ANO2: variants seen among roughly 807,000 people sequenced by gnomAD.
ANO2 encodes anoctamin-2.
A neutral mutation model predicts 124.2 loss-of-function variants in ANO2; 101 were observed. The ratio of observed to expected loss-of-function variants is 0.81; its 90% CI spans 0.69 to 0.96. The LOEUF is 0.96. ANO2 is among the 40% of genes least tolerant of loss of function. The probability of loss-of-function intolerance (pLI) is 0.00; values close to 1 mark genes in which losing one functional copy is unlikely to be tolerated. For missense variants in ANO2, 1,293 were observed against 1,274.5 expected (o/e 1.01, Z -0.22); for synonymous variants, 486 against 482.5 (o/e 1.01, Z -0.09).
chr12:5,739,439 T>C (rs1565628864), intron 12 of ANO2, 40 bp from the exon 13 acceptor site: 1 of 1,527,764 alleles, frequency 6.5e-7, no homozygotes, highest in Non-Finnish European at 8.9e-7. Flanking sequence ...TGATTATTTT[T>C]GAAGAGTGGA....
intron 11 of ANO2, among the ~76,000 whole-genome samples, chr12:5,744,676 T>A (rs2137083453): frequency 6.6e-6 from 1 of 152,296 alleles, no homozygotes; most frequent in South Asian, 2.1e-4. Context: ...TGTGAATAAA[T>A]CACAGCCTGA....
intron 14 of ANO2, among the ~76,000 whole-genome samples, chr12:5,692,466 A>G (rs1369894055): frequency 1.3e-5 from 2 of 152,144 alleles, no homozygotes; most frequent in Non-Finnish European, 2.9e-5. Flanking sequence ...ATTCAAGAAT[A>G]TGTATATACT....
At chr12:5,643,001 A>G (rs1946456902) in intron 15 of ANO2, among the ~76,000 whole-genome samples, 1 of 152,124 alleles carries the variant, frequency 6.6e-6, no homozygotes, top group Admixed American at 6.5e-5. Flanking sequence ...TGACCAACCT[A>G]TTTAATATAT....
At chr12:5,923,235 TACACACACGCATACACACACATACAC>T (rs1941901089) in intron 1 of ANO2, among the ~76,000 whole-genome samples, 1 of 91,922 alleles carries the variant, frequency 1.1e-5, no homozygotes, top group East Asian at 3.6e-4. Context: ...CATGCACACA[TACACACACGCATACACACACATACAC>T]ACACACACAC....
chr12:5,715,255 C>T (rs1318258230), intron 14 of ANO2, among the ~76,000 whole-genome samples: 3 of 152,118 alleles, frequency 2.0e-5, no homozygotes, highest in South Asian at 2.1e-4. Flanking sequence ...ATTTACCAAC[C>T]GGGACACATT....
At chr12:5,830,588 T>A in intron 5 of ANO2, 99 bp from the exon 6 acceptor site, 1 of 1,053,092 alleles carries the variant, frequency 9.5e-7, no homozygotes, top group East Asian at 2.7e-5. Context: ...GAAAGCAACA[T>A]AGCAAGACTT....
intron 3 of ANO2, among the ~76,000 whole-genome samples, chr12:5,868,038 T>C (rs1955477189): frequency 6.6e-6 from 1 of 152,180 alleles, no homozygotes; most frequent in Non-Finnish European, 1.5e-5. Context: ...TTTAATTGTA[T>C]ATTTTAAAAT....
rs549320955 is a variant in ANO2, at chr12:5,614,138, G to T, written c.1928+1048C>A. ...CTATTGGGAAATTTCCTTGTAAGTA[G>T]CCAACTGGCTTGATCATAAAAAATA... On this transcript the variant is annotated intron_variant, in intron 17 of 24. Transcript: ENST00000682330. Among the ~76,000 whole-genome samples the T allele has an allele frequency of 4.3e-4, 66 of 152,282 alleles. 1 individual carries two copies. The highest frequency in any genetic ancestry group is 4.6e-4 in the Admixed American group (7 of 15,300).
chr12:5,727,535 C>T (rs949853343), intron 14 of ANO2, among the ~76,000 whole-genome samples: 2 of 150,420 alleles, frequency 1.3e-5, no homozygotes, highest in Non-Finnish European at 3.0e-5. Flanking sequence ...AAGCAATGGC[C>T]TACAGCTAAC....
intron 6 of ANO2, 139 bp from the exon 7 acceptor site, chr12:5,827,959 G>A (rs1005455848): frequency 1.6e-4 from 138 of 863,252 alleles, no homozygotes; most frequent in Admixed American, 5.3e-5. Flanking sequence ...CATGTGCCTG[G>A]CTCATGGCCC....
intron 14 of ANO2, among the ~76,000 whole-genome samples, chr12:5,675,581 C>T (rs552823528): frequency 2.6e-5 from 4 of 152,268 alleles, no homozygotes; most frequent in East Asian, 3.9e-4. Flanking sequence ...TGACATTTTT[C>T]GCTGAGGAGC....
intron 2 of ANO2, among the ~76,000 whole-genome samples, chr12:5,922,215 G>A (rs551379830): frequency 2.8e-4 from 43 of 152,302 alleles, no homozygotes; most frequent in African/African-American, 9.6e-4. Flanking sequence ...GTGTTTCCCT[G>A]TTTATTACTG....
At chr12:5,914,551 A>G (rs1403127788) in intron 3 of ANO2, among the ~76,000 whole-genome samples, 2 of 152,114 alleles carry the variant, frequency 1.3e-5, no homozygotes, top group African/African-American at 2.4e-5. Context: ...TGTCCCTTCC[A>G]AGAACAGCCC....
Position 5,575,910 on chromosome 12 carries a change from A to C in ANO2, c.2545T>G (p.Phe849Val). 6.2e-7 allele frequency: 1 copy of C among 1,613,732 alleles called. No homozygotes were observed. The highest frequency in any genetic ancestry group is 8.5e-7 in the Non-Finnish European group (1 of 1,179,812). ...LHGFVNHTLS[F>V]FNVSQLKEGT... The stretch of plus-strand genomic sequence containing the variant: ...TCCTTCAGCTGGCTGACGTTGAAAA[A>C]GGAGAGGGTGTGGTTGACAAAGCCG... The change falls in exon 23 of 25, where the codon TTT becomes GTT. Residue 849 changes from phenylalanine (F) to valine (V), a missense_variant. Phe to Val is a conservative substitution (Grantham distance 50). Coordinates refer to ENST00000682330, the MANE Select transcript of ANO2 (RefSeq NM_001364791.2).
At chr12:5,637,884 G>C (rs1156380500) in intron 15 of ANO2, among the ~76,000 whole-genome samples, 1 of 152,144 alleles carries the variant, frequency 6.6e-6, no homozygotes, top group Non-Finnish European at 1.5e-5. Flanking sequence ...CGAGCTGCAG[G>C]AACTTGCAGA....
chr12:5,701,087 ATTTTTTTTTTTT>A (rs56113538), intron 14 of ANO2, among the ~76,000 whole-genome samples: 2 of 93,610 alleles, frequency 2.1e-5, no homozygotes, highest in Admixed American at 1.4e-4. Flanking sequence ...GTCATTTTCA[ATTTTTTTTTTTT>A]TTTTTTTTTT....
intron 20 of ANO2, among the ~76,000 whole-genome samples, chr12:5,583,516 A>ATG (rs1565437928): frequency 2.7e-5 from 4 of 150,916 alleles, no homozygotes; most frequent in Non-Finnish European, 5.9e-5. Flanking sequence ...AGCCGGGCGC[A>ATG]GTGGCGGGCG....
chr12:5,667,256 A>G (rs1947777051), intron 14 of ANO2, among the ~76,000 whole-genome samples: 1 of 152,126 alleles, frequency 6.6e-6, no homozygotes, highest in Non-Finnish European at 1.5e-5. Flanking sequence ...GGGACCCTTG[A>G]ATTTGCAATT....
intron 9 of ANO2, among the ~76,000 whole-genome samples, chr12:5,803,528 G>A (rs1953107170): frequency 6.6e-6 from 1 of 152,154 alleles, no homozygotes; most frequent in Admixed American, 6.5e-5. Flanking sequence ...CTGTAAGTGG[G>A]TGAAGAAGCC....
Sources: allele counts gnomAD v4.1 joint callset (sites outside exome capture counted in the v4.1 genomes callset), GRCh38; gene constraint gnomAD v4.1.1; transcripts MANE v1.5; gene names NCBI Gene and HGNC (gene_info 2026-07-23, HGNC 2026-07-21).